GLDC: variants seen among roughly 807,000 people sequenced by gnomAD.
GLDC encodes glycine dehydrogenase (decarboxylating), mitochondrial.
A neutral mutation model predicts 121.3 loss-of-function variants in GLDC; 104 were observed. The ratio of observed to expected loss-of-function variants is 0.86; its 90% CI spans 0.73 to 1.01. GLDC has a LOEUF of 1.01. Ranked by LOEUF, GLDC falls within the 50% of genes least tolerant of loss-of-function variation. The probability of loss-of-function intolerance (pLI) is 0.00; values close to 1 mark genes in which losing one functional copy is unlikely to be tolerated. For missense variants in GLDC, 1,429 were observed against 1,306.6 expected (o/e 1.09, Z -1.44); for synonymous variants, 546 against 480.6 (o/e 1.14, Z -1.78).
chr9:6,546,341 C>T (rs1044019293), intron 21 of GLDC, among the ~76,000 whole-genome samples: 3 of 151,516 alleles, frequency 2.0e-5, no homozygotes, highest in African/African-American at 4.8e-5. Context: ...TACAGGTGTG[C>T]ACCACCATGG....
At chr9:6,642,690 G>T (rs1246419196) in intron 2 of GLDC, among the ~76,000 whole-genome samples, 9 of 152,090 alleles carry the variant, frequency 5.9e-5, no homozygotes, top group African/African-American at 1.9e-4. Context: ...ACTTTGCCAT[G>T]TTTCCCAGGC....
At chr9:6,614,680 T>A (rs1035050206) in intron 3 of GLDC, among the ~76,000 whole-genome samples, 2 of 152,128 alleles carry the variant, frequency 1.3e-5, no homozygotes, top group Non-Finnish European at 2.9e-5. Context: ...TGAGCCACTG[T>A]GCCAAGCCTT....
intron 17 of GLDC, among the ~76,000 whole-genome samples, chr9:6,556,751 A>T (rs1817639724): frequency 6.6e-6 from 1 of 151,496 alleles, no homozygotes; most frequent in South Asian, 2.1e-4. Flanking sequence ...CCAAGATCAC[A>T]CCACTGCACT....
At chr9:6,561,444 T>G (rs1486817312) in intron 16 of GLDC, among the ~76,000 whole-genome samples, 1 of 151,834 alleles carries the variant, frequency 6.6e-6, no homozygotes, top group Non-Finnish European at 1.5e-5. Context: ...AGGCCAGGAG[T>G]TCAAGACCAG....
chr9:6,596,442 A>T (rs1171574421), intron 8 of GLDC, among the ~76,000 whole-genome samples: 1 of 152,190 alleles, frequency 6.6e-6, no homozygotes, highest in Non-Finnish European at 1.5e-5. Flanking sequence ...AAATTGAACA[A>T]ACTTAAAAAT....
intron 8 of GLDC, among the ~76,000 whole-genome samples, chr9:6,596,135 A>G (rs1818490367): frequency 6.6e-6 from 1 of 152,204 alleles, no homozygotes; most frequent in Admixed American, 6.5e-5. Context: ...TGAGGTAAAG[A>G]ATCTGTGACA....
At chr9:6,571,707 A>T (rs1479825977) in intron 15 of GLDC, among the ~76,000 whole-genome samples, 2 of 152,230 alleles carry the variant, frequency 1.3e-5, no homozygotes, top group African/African-American at 4.8e-5. Flanking sequence ...AGAATGGTGT[A>T]CAATTTAAAA....
At chr9:6,550,961 C>A (rs753451900) in intron 20 of GLDC, 47 bp from the exon 21 acceptor site, 1 of 1,270,034 alleles carries the variant, frequency 7.9e-7, no homozygotes, top group East Asian at 2.3e-5. Flanking sequence ...CAGGCAAACA[C>A]GAATGTGAAG....
At chr9:6,608,788 A>T (rs958930438) in intron 4 of GLDC, among the ~76,000 whole-genome samples, 1 of 151,868 alleles carries the variant, frequency 6.6e-6, no homozygotes, top group Non-Finnish European at 1.5e-5. Context: ...AATAAATGAA[A>T]TAAGATAAAA....
chr9:6,627,141 A>G, intron 2 of GLDC, among the ~76,000 whole-genome samples: 1 of 151,860 alleles, frequency 6.6e-6, no homozygotes, highest in Admixed American at 6.6e-5. Flanking sequence ...TAAAAATACA[A>G]AAAAATTAGC....
At chr9:6,600,853 C>T (rs942867784) in intron 8 of GLDC, among the ~76,000 whole-genome samples, 1 of 152,076 alleles carries the variant, frequency 6.6e-6, no homozygotes, top group Non-Finnish European at 1.5e-5. Context: ...CCAGGAAGCT[C>T]TTCCTGTTTT....
intron 21 of GLDC, chr9:6,541,097 A>T (rs1465986099): frequency 1.3e-5 from 2 of 152,192 alleles, no homozygotes; most frequent in Non-Finnish European, 1.5e-5. Flanking sequence ...TGTCTCAAAA[A>T]AATAAATATA....
chr9:6,624,586 T>G (rs1178979475), intron 2 of GLDC, among the ~76,000 whole-genome samples: 1 of 152,184 alleles, frequency 6.6e-6, no homozygotes, highest in Non-Finnish European at 1.5e-5. Context: ...GCCACCTAGT[T>G]TGTGGTACTA....
intron 16 of GLDC, among the ~76,000 whole-genome samples, chr9:6,562,790 ACCTTAGGTGAT>A (rs542885109): frequency 9.8e-4 from 150 of 152,300 alleles, no homozygotes; most frequent in African/African-American, 3.5e-3. Flanking sequence ...TGAACTCCTG[ACCTTAGGTGAT>A]CTGCCTGCCT....
chr9:6,641,766 A>G (rs1819634587), intron 2 of GLDC, among the ~76,000 whole-genome samples: 1 of 152,250 alleles, frequency 6.6e-6, no homozygotes, highest in Non-Finnish European at 1.5e-5. Context: ...TAACCCAAGT[A>G]TTTCCAAACT....
At chr9:6,593,248 T>C (rs1818413481) in intron 9 of GLDC, among the ~76,000 whole-genome samples, 1 of 150,274 alleles carries the variant, frequency 6.7e-6, no homozygotes, top group Non-Finnish European at 1.5e-5. Flanking sequence ...TCTCAAGAAA[T>C]GGGGGAGCAG....
chr9:6,581,394 C>G (rs1001702122), intron 15 of GLDC, among the ~76,000 whole-genome samples: 1 of 152,192 alleles, frequency 6.6e-6, no homozygotes, highest in African/African-American at 2.4e-5. Flanking sequence ...CTCCACTGTG[C>G]TTTCCGGGAT....
At position 6,540,046 on chromosome 9, in the gene GLDC, C is replaced by T; in HGVS notation, c.2665+5G>A. The T allele has an allele frequency of 1.3e-6, 2 of 1,591,126 alleles. No homozygotes were observed. The highest frequency in any genetic ancestry group is 1.7e-6 in the Non-Finnish European group (2 of 1,159,472). Reference sequence around the variant, plus strand: ...GCGGCGGCATGAATGTCAAAAGCCACTTACCATAATCCTGGAGTCTCTTGG... The same window carrying T: ...GCGGCGGCATGAATGTCAAAAGCCATTTACCATAATCCTGGAGTCTCTTGG... On this transcript the variant is annotated splice_donor_5th_base_variant and intron_variant, in intron 22 of 24. Transcript: ENST00000321612.
chr9:6,623,366 T>C lies in GLDC; in HGVS notation c.335-3047A>G, dbSNP rs558452013. The stretch of plus-strand genomic sequence containing the variant: ...TGTGCTGTGTCCACTCAGGGTTAAA[T>C]GGATTAAGGGCGGTGCAAGATGTGC... On this transcript the variant is annotated intron_variant, in intron 2 of 24. Coordinates refer to ENST00000321612, the MANE Select transcript of GLDC (RefSeq NM_000170.3). 3.6e-3 allele frequency among the ~76,000 whole-genome samples: 527 copies of C among 144,754 alleles called. 2 individuals are homozygous for C. Among genetic ancestry groups the C allele is most frequent in the Non-Finnish European group, 6.0e-3 (400 of 66,736 alleles). 95.0% of individuals were successfully genotyped at this position (144,754 alleles called of 152,430 possible).
Sources: gnomAD v4.1 joint callset for allele counts (sites outside exome capture counted in the v4.1 genomes callset) on GRCh38, gnomAD v4.1.1 for gene constraint, MANE v1.5 for transcripts, NCBI Gene and HGNC (gene_info 2026-07-23, HGNC 2026-07-21) for gene names.